TMEM109: variants seen among roughly 807,000 people sequenced by gnomAD.
TMEM109 encodes the protein voltage-gated monoatomic cation channel TMEM109.
Under a neutral mutation model 26.4 loss-of-function variants are expected in TMEM109, and 19 were observed. That is an observed-to-expected ratio of 0.72 (90% CI 0.50 to 1.06). The LOEUF (loss-of-function observed/expected upper bound fraction) is 1.06. TMEM109 is among the 50% of genes least tolerant of loss of function. The pLI is 0.00. For synonymous variants in TMEM109, 129 were observed against 142.0 expected (o/e 0.91, Z 0.65); for missense variants, 262 against 303.4 (o/e 0.86, Z 1.01).
chr11:60,917,733 G>C (rs774693100), intron 1 of TMEM109, among the ~76,000 whole-genome samples: 12 of 152,086 alleles, frequency 7.9e-5, no homozygotes, highest in Non-Finnish European at 1.2e-4. Context: ...ATAGCTCACT[G>C]CAGCCGTGAC....
At chr11:60,921,130 A>C (rs932107965) in intron 3 of TMEM109, 142 bp downstream of exon 3, 1 of 724,384 alleles carries the variant, frequency 1.4e-6, no homozygotes, top group Non-Finnish European at 2.3e-6. Flanking sequence ...GCCAAAGAGC[A>C]AGCCAAGAAC....
chr11:60,917,701 G>A (rs896565077), intron 1 of TMEM109, among the ~76,000 whole-genome samples: 1 of 152,082 alleles, frequency 6.6e-6, no homozygotes, highest in African/African-American at 2.4e-5. Flanking sequence ...TCTTGCCCAG[G>A]ATGGGATACA....
At chr11:60,920,462 C>T (rs1856223518) in intron 2 of TMEM109, among the ~76,000 whole-genome samples, 1 of 152,186 alleles carries the variant, frequency 6.6e-6, no homozygotes, top group Non-Finnish European at 1.5e-5. Flanking sequence ...TTCACTGGAA[C>T]ATCCTATCCC....
At chr11:60,921,148 G>A (rs1239337486) in intron 3 of TMEM109, among the ~76,000 whole-genome samples, 160 bp downstream of exon 3, 1 of 152,208 alleles carries the variant, frequency 6.6e-6, no homozygotes, top group African/African-American at 2.4e-5. Flanking sequence ...AACTACCATG[G>A]CCAGGTGTGG....
intron 1 of TMEM109, among the ~76,000 whole-genome samples, chr11:60,914,767 A>G (rs1856154774): frequency 6.6e-6 from 1 of 152,256 alleles, no homozygotes; most frequent in Non-Finnish European, 1.5e-5. Flanking sequence ...TAGGGCGCGG[A>G]GCGGCAGGGA....
Position 60,923,383 on chromosome 11 carries a change from G to A in TMEM109, c.*1218G>A, listed in dbSNP as rs1390998045. 7 of 152,636 alleles carry A rather than the reference G, an allele frequency of 4.6e-5. No individual in the cohort carries two copies. The highest frequency in any genetic ancestry group is 1.7e-4 in the African/African-American group (7 of 41,448). The allele number at this position is 152,636 out of a possible 1,614,324, so 9.5% of individuals were successfully genotyped here. ...TATATTTTTTATCAGTGCTTGGTTGGTTTTAAATAAAGTGCACGCTATTTT... is the reference window on the plus strand; with the variant it reads ...TATATTTTTTATCAGTGCTTGGTTGATTTTAAATAAAGTGCACGCTATTTT... On this transcript the variant is annotated 3_prime_UTR_variant, in exon 4 of 4. Transcript: ENST00000227525.
In TMEM109 at chr11:60,922,579, C is replaced by T. The variant is rs1457816872; in HGVS notation, c.*414C>T. ...CTGTCCTTCTGAAGTTGCTCCTTGGCCAAATCTCCAGCTCCCTTCTTGTTT... is the reference window on the plus strand; with the variant it reads ...CTGTCCTTCTGAAGTTGCTCCTTGGTCAAATCTCCAGCTCCCTTCTTGTTT... On this transcript the variant is annotated 3_prime_UTR_variant, in exon 4 of 4. Coordinates refer to ENST00000227525, the MANE Select transcript of TMEM109 (RefSeq NM_024092.3). 4 of 377,358 alleles carry T rather than the reference C, an allele frequency of 1.1e-5. No homozygotes were observed. Among genetic ancestry groups the T allele is most frequent in the South Asian group, 6.3e-5 (3 of 47,278 alleles). 23.4% of individuals were successfully genotyped at this position (377,358 alleles called of 1,614,324 possible).
chr11:60,922,413 C>A lies in TMEM109; in HGVS notation c.*248C>A, dbSNP rs985701811. The stretch of plus-strand genomic sequence containing the variant: ...CTCTTAACCCTTTCTCTGCTCCCAG[C>A]CTGCCTCACCAGGGAAGGTTGGAGG... On this transcript the variant is annotated 3_prime_UTR_variant, in exon 4 of 4. Coordinates refer to ENST00000227525, the MANE Select transcript of TMEM109 (RefSeq NM_024092.3). 4.7e-6 allele frequency: 7 copies of A among 1,501,870 alleles called. No individual in the cohort carries two copies. In the South Asian group the frequency reaches 4.8e-5, roughly 10 times the overall value. 93.0% of individuals were successfully genotyped at this position (1,501,870 alleles called of 1,614,324 possible).
At chr11:60,921,721 TC>T in intron 3 of TMEM109, 52 bp from the exon 4 acceptor site, 1 of 1,450,832 alleles carries the variant, frequency 6.9e-7, no homozygotes. Flanking sequence ...TGCCCCGCTC[TC>T]CCCTCACCAC....
chr11:60,922,050 G>C lies in TMEM109; in HGVS notation c.617G>C (p.Arg206Pro), dbSNP rs372256119. 6.2e-7 allele frequency: 1 copy of C among 1,612,964 alleles called. No individual in the cohort carries two copies. Among genetic ancestry groups the C allele is most frequent in the Non-Finnish European group, 8.5e-7 (1 of 1,179,972 alleles). ...CTGCTGAGCCGGCTCACTGGCTCCC[G>C]AGCCTCTGGGGCCCAACTCGAGGCC... ...YALLSRLTGS[R>P]ASGAQLEAKV... Residue 206 changes from arginine to proline, a missense_variant, in exon 4 of 4, where the codon CGA becomes CCA. Arg to Pro is a moderately radical substitution (Grantham distance 103). Transcript: ENST00000227525.
chr11:60,921,722 C>A lies in TMEM109; in HGVS notation c.341-52C>A, dbSNP rs1240365568. ...ACCCTTTTAGCTCTTGCCCCGCTCTCCCCTCACCACTTCTCCAGGTTGGCT... is the reference window on the plus strand; with the variant it reads ...ACCCTTTTAGCTCTTGCCCCGCTCTACCCTCACCACTTCTCCAGGTTGGCT... On this transcript the variant is annotated intron_variant, in intron 3 of 3. Transcript: ENST00000227525. 2.7e-6 allele frequency: 4 copies of A among 1,464,534 alleles called. No individual in the cohort carries two copies. In the East Asian group the frequency reaches 9.1e-5, roughly 33 times the overall value. The allele number at this position is 1,464,534 out of a possible 1,614,324, so 90.7% of individuals were successfully genotyped here.
chr11:60,917,431 T>A (rs1227866697), intron 1 of TMEM109, among the ~76,000 whole-genome samples: 1 of 152,224 alleles, frequency 6.6e-6, no homozygotes, highest in Non-Finnish European at 1.5e-5. Flanking sequence ...TTGCTGGCGC[T>A]GTCTGACATT....
chr11:60,922,174 C>T lies in TMEM109; in HGVS notation c.*9C>T, dbSNP rs891814742. On this transcript the variant is annotated 3_prime_UTR_variant, in exon 4 of 4. Coordinates refer to ENST00000227525, the MANE Select transcript of TMEM109 (RefSeq NM_024092.3). ...GTGTGGAGGAGGAGTGAGCCGGATG[C>T]CCCACACACCGCCAGTGTCATACCA... 3 of 1,569,314 alleles carry T rather than the reference C, an allele frequency of 1.9e-6. No individual in the cohort carries two copies. The highest frequency in any genetic ancestry group is 2.7e-5 in the African/African-American group (2 of 73,718).
intron 1 of TMEM109, among the ~76,000 whole-genome samples, chr11:60,915,226 A>C (rs1170355156): frequency 6.6e-6 from 1 of 152,242 alleles, no homozygotes; most frequent in African/African-American, 2.4e-5. Flanking sequence ...TGTTTAGTTT[A>C]CAAAGCGCTT....
At position 60,922,128 on chromosome 11, in the gene TMEM109, G is replaced by C. The variant is rs770839903; in HGVS notation, c.695G>C (p.Arg232Pro). 24 of 1,607,808 alleles carry C rather than the reference G, an allele frequency of 1.5e-5. No homozygotes were observed. In the Admixed American group the frequency reaches 3.2e-4, roughly 21 times the overall value. ...GAGGAGCTGCGCTGGCGCCAGAGGCGAGCGGCCAAGGGGGCCCGCAGTGTG... is the reference window on the plus strand; with the variant it reads ...GAGGAGCTGCGCTGGCGCCAGAGGCCAGCGGCCAAGGGGGCCCGCAGTGTG... ...QVEELRWRQR[R>P]AAKGARSVEE... The change falls in exon 4 of 4, where the codon CGA (arginine) becomes CCA (proline). Residue 232 changes from arginine to proline, a missense_variant. Coordinates refer to ENST00000227525, the MANE Select transcript of TMEM109 (RefSeq NM_024092.3).
At chr11:60,919,589 T>C (rs933140700) in intron 1 of TMEM109, 97 bp from the exon 2 acceptor site, 6 of 1,023,080 alleles carry the variant, frequency 5.9e-6, no homozygotes, top group Admixed American at 1.8e-5. Context: ...TGGTGCTTGC[T>C]TGGGGTAGGG....
chr11:60,921,954 C>T lies in TMEM109; in HGVS notation c.521C>T (p.Ala174Val), dbSNP rs200568903. ...KLVIFLAGFVALMRSVPDPST... is the reference protein window; with the variant it reads ...KLVIFLAGFVVLMRSVPDPST... Reference sequence around the variant, plus strand: ...GTCATCTTCCTGGCCGGCTTCGTGGCCCTGATGAGGTCGGTGCCTGACCCT... The same window carrying T: ...GTCATCTTCCTGGCCGGCTTCGTGGTCCTGATGAGGTCGGTGCCTGACCCT... The change falls in exon 4 of 4, where the codon GCC becomes GTC. Residue 174 changes from alanine (A) to valine (V), a missense_variant. Physicochemically the swap from Ala to Val is moderately conservative, Grantham distance 64 (BLOSUM62 0). Coordinates refer to ENST00000227525, the MANE Select transcript of TMEM109 (RefSeq NM_024092.3). 6.5e-5 allele frequency: 105 copies of T among 1,613,974 alleles called. No individual in the cohort carries two copies. In the East Asian group the frequency reaches 2.2e-3, roughly 33 times the overall value.
In TMEM109 at chr11:60,922,133, G is replaced by A. The variant is rs760351604; in HGVS notation, c.700G>A (p.Ala234Thr). Residue 234 changes from alanine (A) to threonine (T), a missense_variant, in exon 4 of 4, where the codon GCC becomes ACC. Transcript: ENST00000227525. ...EELRWRQRRAAKGARSVEEE is the reference protein window; with the variant it reads ...EELRWRQRRATKGARSVEEE ...GCTGCGCTGGCGCCAGAGGCGAGCGGCCAAGGGGGCCCGCAGTGTGGAGGA... is the reference window on the plus strand; with the variant it reads ...GCTGCGCTGGCGCCAGAGGCGAGCGACCAAGGGGGCCCGCAGTGTGGAGGA... 4.4e-6 allele frequency: 7 copies of A among 1,604,880 alleles called. No individual in the cohort carries two copies. The highest frequency in any genetic ancestry group is 5.1e-6 in the Non-Finnish European group (6 of 1,176,128).
At chr11:60,915,747 G>T (rs1856166966) in intron 1 of TMEM109, among the ~76,000 whole-genome samples, 2 of 152,150 alleles carry the variant, frequency 1.3e-5, no homozygotes, top group Non-Finnish European at 2.9e-5. Context: ...GCCTTGATTG[G>T]GAGGGGGGGG....
Sources: allele counts gnomAD v4.1 joint callset (sites outside exome capture counted in the v4.1 genomes callset), GRCh38; gene constraint gnomAD v4.1.1; transcripts MANE v1.5; gene names NCBI Gene and HGNC (gene_info 2026-07-23, HGNC 2026-07-21).